CEP85L: variants seen among roughly 807,000 people sequenced by gnomAD.
CEP85L encodes the protein centrosomal protein 85L.
CEP85L carries 60 observed loss-of-function variants against 100.3 expected under a neutral mutation model. That is an observed-to-expected ratio of 0.60 (90% CI 0.49 to 0.74). The LOEUF (loss-of-function observed/expected upper bound fraction) is 0.74, where lower values mean the gene tolerates loss of function less well. Among genes scored for constraint, CEP85L ranks in the 30% least tolerant of loss-of-function variants. CEP85L has a pLI of 0.00. For synonymous variants in CEP85L, 319 were observed against 322.7 expected, an observed-to-expected ratio of 0.99 and a Z score of 0.12; for missense variants, 973 against 936.2, an observed-to-expected ratio of 1.04 and a Z score of -0.51.
intron 1 of CEP85L, among the ~76,000 whole-genome samples, chr6:118,689,695 A>G (rs1282986392): frequency 6.6e-6 from 1 of 152,228 alleles, no homozygotes; most frequent in Non-Finnish European, 1.5e-5. Flanking sequence ...AACCAGCAGA[A>G]GAACCAACCA....
chr6:118,463,819 T>C lies in CEP85L; in HGVS notation c.*1586A>G, dbSNP rs1337394355. 2.0e-5 allele frequency: 3 copies of C among 152,136 alleles called. No homozygotes were observed. The highest frequency in any genetic ancestry group is 7.2e-5 in the African/African-American group (3 of 41,464). 9.4% of individuals were successfully genotyped at this position (152,136 alleles called of 1,614,324 possible). A position where few individuals can be genotyped will look rare whatever the true frequency, so the allele number is the denominator to read the frequency against. On this transcript the variant is annotated 3_prime_UTR_variant, in exon 13 of 13. Transcript: ENST00000368491. The stretch of plus-strand genomic sequence containing the variant: ...ATAAAATAATCTATTGAGAGCTGTA[T>C]AGCCAACATTTTAAACTGTGTATCT...
chr6:118,640,052 T>C (rs1774761692), intron 1 of CEP85L, among the ~76,000 whole-genome samples: 1 of 152,166 alleles, frequency 6.6e-6, no homozygotes, highest in African/African-American at 2.4e-5. Flanking sequence ...CCAACATTCC[T>C]AACATGGGAA....
upstream of CEP85L, among the ~76,000 whole-genome samples, chr6:118,655,307 A>C (rs1425176976): frequency 6.6e-6 from 1 of 152,214 alleles, no homozygotes; most frequent in Non-Finnish European, 1.5e-5. Flanking sequence ...TATGATATGG[A>C]CCACTGAAGC....
rs537697221 is a variant in CEP85L at position 118,559,892 on chromosome 6, C to T, written c.1020+5637G>A. 3.0e-5 allele frequency: 5 copies of T among 167,084 alleles called. No individual in the cohort carries two copies. In the South Asian group the frequency reaches 8.3e-4, roughly 28 times the overall value. The allele number at this position is 167,084 out of a possible 1,614,324, so 10.4% of individuals were successfully genotyped here. A position where few individuals can be genotyped will look rare whatever the true frequency, so the allele number is the denominator to read the frequency against. On this transcript the variant is annotated intron_variant, in intron 3 of 12. Transcript: ENST00000368491. ...TAATATACTAACAACAGAATCTAATCTTCATTTAAGGCACTGTAGTGAATT... is the reference window on the plus strand; with the variant it reads ...TAATATACTAACAACAGAATCTAATTTTCATTTAAGGCACTGTAGTGAATT...
At chr6:118,601,482 T>G (rs1386259073) in intron 2 of CEP85L, among the ~76,000 whole-genome samples, 2 of 152,256 alleles carry the variant, frequency 1.3e-5, no homozygotes, top group African/African-American at 4.8e-5. Flanking sequence ...CCCATGCTTA[T>G]GTATATCTTT....
At chr6:118,632,365 TG>T in intron 2 of CEP85L, 87 bp downstream of exon 2, 1 of 998,568 alleles carries the variant, frequency 1.0e-6, no homozygotes, top group East Asian at 2.5e-5. Context: ...ATTTTCAGTA[TG>T]AAACAATAAA....
At chr6:118,467,996 T>C (rs1055186248) in intron 12 of CEP85L, among the ~76,000 whole-genome samples, 1 of 152,228 alleles carries the variant, frequency 6.6e-6, no homozygotes, top group African/African-American at 2.4e-5. Context: ...TGTGTTCAGG[T>C]TATCTGCATT....
rs1774584337 is a variant in CEP85L at position 118,491,691 on chromosome 6, C to T, written c.1432G>A (p.Glu478Lys). The T allele has an allele frequency of 6.2e-7, 1 of 1,609,052 alleles. No individual in the cohort carries two copies. Among genetic ancestry groups the T allele is most frequent in the Non-Finnish European group, 8.5e-7 (1 of 1,178,124 alleles). ...LFSEEKKKLEEKLKTRDRYIS... is the reference protein window; with the variant it reads ...LFSEEKKKLEKKLKTRDRYIS... The stretch of plus-strand genomic sequence containing the variant: ...ACTTTATTAGAAAAACCTACTTTTT[C>T]CTCTAGTTTCTTCTTCTCTTCACTA... Residue 478 changes from glutamate (E) to lysine (K), a missense_variant, in exon 6 of 13, where the codon GAA becomes AAA. Transcript: ENST00000368491.
chr6:118,616,876 C>T (rs556750241), intron 2 of CEP85L, among the ~76,000 whole-genome samples: 3 of 150,818 alleles, frequency 2.0e-5, no homozygotes, highest in South Asian at 4.2e-4. Context: ...ACCCGGGAGG[C>T]GGAGCTTGCA....
At chr6:118,640,988 T>A (rs896576430) in intron 1 of CEP85L, among the ~76,000 whole-genome samples, 10 of 152,202 alleles carry the variant, frequency 6.6e-5, no homozygotes, top group Non-Finnish European at 1.5e-4. Flanking sequence ...AAAAGCTTAC[T>A]TCACTTTAAG....
chr6:118,688,127 T>C (rs954054927), intron 1 of CEP85L, among the ~76,000 whole-genome samples: 1 of 152,156 alleles, frequency 6.6e-6, no homozygotes, highest in Non-Finnish European at 1.5e-5. Flanking sequence ...TTGGGAGCTC[T>C]GTGCGCAAGG....
chr6:118,687,190 G>T (rs891256760), intron 1 of CEP85L, among the ~76,000 whole-genome samples: 2 of 152,136 alleles, frequency 1.3e-5, no homozygotes, highest in Non-Finnish European at 2.9e-5. Flanking sequence ...TTTGATGGCT[G>T]CCCTATCTAA....
At chr6:118,496,978 C>T (rs1774968868) in intron 5 of CEP85L, among the ~76,000 whole-genome samples, 2 of 152,278 alleles carry the variant, frequency 1.3e-5, no homozygotes, top group Middle Eastern at 3.4e-3. Flanking sequence ...TTGAAACAGA[C>T]TGAGCCAGGG....
chr6:118,671,553 G>A (rs1468738589), intron 1 of CEP85L, among the ~76,000 whole-genome samples: 1 of 152,110 alleles, frequency 6.6e-6, no homozygotes, highest in Non-Finnish European at 1.5e-5. Flanking sequence ...CTAAGGATCT[G>A]GCGTTTCTCT....
intron 5 of CEP85L, chr6:118,501,529 C>A (rs937640061): frequency 2.0e-5 from 10 of 492,400 alleles, no homozygotes; most frequent in African/African-American, 1.6e-4. Flanking sequence ...TCATTAAACA[C>A]CCAATGGATC....
intron 2 of CEP85L, among the ~76,000 whole-genome samples, chr6:118,585,091 G>C (rs1214096129): frequency 1.3e-5 from 2 of 152,190 alleles, no homozygotes; most frequent in Non-Finnish European, 2.9e-5. Context: ...CTGTAAGGCA[G>C]GATACACAGT....
chr6:118,653,626 A>G (rs964004161), upstream of CEP85L, among the ~76,000 whole-genome samples: 1 of 152,318 alleles, frequency 6.6e-6, no homozygotes, highest in Admixed American at 6.5e-5. Context: ...TTTTGTTGTG[A>G]CAGTGTGTTA....
At chr6:118,692,757 A>T (rs1486429511) in intron 1 of CEP85L, among the ~76,000 whole-genome samples, 9 of 62,590 alleles carry the variant, frequency 1.4e-4, no homozygotes, top group Non-Finnish European at 2.0e-4. Flanking sequence ...GGGCAGAAGA[A>T]ACAAGACATA....
intron 1 of CEP85L, among the ~76,000 whole-genome samples, chr6:118,699,680 A>G (rs1269386992): frequency 6.6e-6 from 1 of 151,850 alleles, no homozygotes; most frequent in Non-Finnish European, 1.5e-5. Context: ...TATTATTATT[A>G]TTATTACTAC....
Sources: gnomAD v4.1 joint callset for allele counts (sites outside exome capture counted in the v4.1 genomes callset) on GRCh38, gnomAD v4.1.1 for gene constraint, MANE v1.5 for transcripts, NCBI Gene and HGNC (gene_info 2026-07-23, HGNC 2026-07-21) for gene names.